TMEM232: variants seen among roughly 807,000 people sequenced by gnomAD.
The protein encoded by TMEM232 is transmembrane protein 232.
Under a neutral mutation model 78.8 loss-of-function variants are expected in TMEM232, and 80 were observed. The observed-to-expected ratio is 1.01, with a 90% CI of 0.85 to 1.22. TMEM232 has a LOEUF of 1.22. Ranked by LOEUF, TMEM232 falls within the 50% of genes most tolerant of loss-of-function variation. The pLI, the probability that TMEM232 is intolerant of heterozygous loss-of-function variation, is 0.00. For synonymous variants in TMEM232, 297 were observed against 254.3 expected (o/e 1.17, Z -1.60); for missense variants, 881 against 742.2 (o/e 1.19, Z -2.17).
chr5:110,582,046 A>T (rs1295555605), intron 10 of TMEM232, among the ~76,000 whole-genome samples: 2 of 151,968 alleles, frequency 1.3e-5, no homozygotes, highest in African/African-American at 4.8e-5. Context: ...GGGAATGCTT[A>T]TACACTGTTG....
At chr5:110,603,835 T>C (rs1781239034) in intron 10 of TMEM232, among the ~76,000 whole-genome samples, 1 of 152,162 alleles carries the variant, frequency 6.6e-6, no homozygotes. Context: ...GCCAAAAATA[T>C]ATTGAAGGCA....
chr5:110,614,232 T>G (rs892796055), intron 8 of TMEM232, among the ~76,000 whole-genome samples: 3 of 152,054 alleles, frequency 2.0e-5, no homozygotes, highest in Non-Finnish European at 4.4e-5. Flanking sequence ...CCAGAAAAAG[T>G]CAGGATTCAG....
intron 5 of TMEM232, among the ~76,000 whole-genome samples, chr5:110,628,622 G>A (rs1259594637): frequency 1.3e-5 from 2 of 151,566 alleles, no homozygotes; most frequent in African/African-American, 4.9e-5. Flanking sequence ...TTTCTAAATT[G>A]TGGAGAAGAC....
chr5:110,456,172 A>T (rs1387832603), intron 12 of TMEM232, among the ~76,000 whole-genome samples: 4 of 152,198 alleles, frequency 2.6e-5, no homozygotes, highest in African/African-American at 9.6e-5. Flanking sequence ...ATAATCTACA[A>T]AATGAGGTTA....
chr5:110,520,918 C>CA (rs1769409884), intron 12 of TMEM232, among the ~76,000 whole-genome samples: 1 of 146,842 alleles, frequency 6.8e-6, no homozygotes, highest in Non-Finnish European at 1.5e-5. Context: ...AACTCCATTT[C>CA]AAAAAATAAT....
At chr5:110,435,426 G>T (rs311729) in intron 12 of TMEM232, among the ~76,000 whole-genome samples, 1 of 151,402 alleles carries the variant, frequency 6.6e-6, no homozygotes, top group Non-Finnish European at 1.5e-5. Context: ...TAATAATTAC[G>T]TCATGGAAAA....
At chr5:110,500,358 G>C (rs1057124007) in intron 12 of TMEM232, among the ~76,000 whole-genome samples, 10 of 149,726 alleles carry the variant, frequency 6.7e-5, no homozygotes, top group African/African-American at 2.5e-4. Context: ...ATTTTACAAA[G>C]TATAACCTCT....
intron 1 of TMEM232, among the ~76,000 whole-genome samples, chr5:110,670,095 C>T (rs1180460759): frequency 6.6e-6 from 1 of 152,192 alleles, no homozygotes; most frequent in Admixed American, 6.5e-5. Flanking sequence ...CCTCTCTCAC[C>T]ACTCTTATTC....
Position 110,568,570 on chromosome 5 carries a change from A to C in TMEM232, c.1332T>G (p.Ile444Met). 2 of 1,549,554 alleles carry C rather than the reference A, an allele frequency of 1.3e-6. No homozygotes were observed. Among genetic ancestry groups the C allele is most frequent in the Non-Finnish European group, 1.7e-6 (2 of 1,145,788 alleles). The change falls in exon 11 of 14, where the codon ATT becomes ATG. Residue 444 changes from isoleucine (I) to methionine (M), a missense_variant. Ile to Met is a conservative substitution (Grantham distance 10, BLOSUM62 1). Coordinates refer to ENST00000455884, the MANE Select transcript of TMEM232 (RefSeq NM_001039763.4). ...YYGLVYNLVKISWELQGDEEQ... is the reference protein window; with the variant it reads ...YYGLVYNLVKMSWELQGDEEQ... ...CTTCGTCTCCTTGAAGTTCCCATGAAATTTTCACCAGGTTATACACTAAGC... is the reference window on the plus strand; with the variant it reads ...CTTCGTCTCCTTGAAGTTCCCATGACATTTTCACCAGGTTATACACTAAGC...
rs570578333 is a variant in TMEM232, at chr5:110,484,080, G to A, written c.1703+44508C>T. Among the ~76,000 whole-genome samples the A allele has an allele frequency of 5.3e-4, 81 of 152,226 alleles. 1 individual carries two copies. In the South Asian group the frequency reaches 7.5e-3, roughly 14 times the overall value. ...AGGAACAGAAAACCAAGTACCACAT[G>A]TTCTCATACATATAAGTGGGAGCTA... On this transcript the variant is annotated intron_variant, in intron 12 of 13. Transcript: ENST00000455884.
chr5:110,655,933 C>T (rs1788984264), intron 2 of TMEM232, among the ~76,000 whole-genome samples: 2 of 146,916 alleles, frequency 1.4e-5, no homozygotes, highest in African/African-American at 2.5e-5. Flanking sequence ...GGAGGGATAG[C>T]ATTAGGAGAT....
chr5:110,616,939 A>G (rs1782995901), intron 8 of TMEM232, among the ~76,000 whole-genome samples: 1 of 152,176 alleles, frequency 6.6e-6, no homozygotes, highest in African/African-American at 2.4e-5. Context: ...ACATATCCCA[A>G]AAAAGTGAAA....
At chr5:110,490,858 A>T (rs1765009528) in intron 12 of TMEM232, among the ~76,000 whole-genome samples, 1 of 152,106 alleles carries the variant, frequency 6.6e-6, no homozygotes, top group South Asian at 2.1e-4. Context: ...TAAAACTAAA[A>T]CTATAGCTAA....
intron 10 of TMEM232, among the ~76,000 whole-genome samples, chr5:110,597,041 A>T (rs1780256317): frequency 6.6e-6 from 1 of 152,152 alleles, no homozygotes; most frequent in African/African-American, 2.4e-5. Flanking sequence ...AAGGAAATAA[A>T]GGGTATTCAA....
intron 2 of TMEM232, among the ~76,000 whole-genome samples, chr5:110,657,183 A>G (rs1233643438): frequency 6.6e-6 from 1 of 152,216 alleles, no homozygotes; most frequent in Non-Finnish European, 1.5e-5. Context: ...AATGAATAAC[A>G]CTATGGAGGT....
At chr5:110,664,238 T>C (rs895784508) in intron 2 of TMEM232, among the ~76,000 whole-genome samples, 3 of 152,156 alleles carry the variant, frequency 2.0e-5, no homozygotes, top group Non-Finnish European at 4.4e-5. Context: ...GTCAAAAATT[T>C]GGAAAATAAT....
chr5:110,570,758 C>T (rs943909341), intron 10 of TMEM232, among the ~76,000 whole-genome samples: 1 of 151,860 alleles, frequency 6.6e-6, no homozygotes, highest in Non-Finnish European at 1.5e-5. Context: ...GGAAACTGAC[C>T]TTTCTAAATC....
intron 12 of TMEM232, among the ~76,000 whole-genome samples, chr5:110,460,712 T>C (rs979339382): frequency 4.6e-5 from 7 of 152,098 alleles, no homozygotes; most frequent in Non-Finnish European, 8.8e-5. Context: ...GGCAACTTTA[T>C]ATCGAGCAAA....
At chr5:110,699,476 G>A (rs1313610061) in intron 1 of TMEM232, among the ~76,000 whole-genome samples, 3 of 151,944 alleles carry the variant, frequency 2.0e-5, no homozygotes, top group Non-Finnish European at 4.4e-5. Flanking sequence ...GCCAAAATGG[G>A]ACTCTTTTGA....
Sources: gnomAD v4.1 joint callset for allele counts (sites outside exome capture counted in the v4.1 genomes callset) on GRCh38, gnomAD v4.1.1 for gene constraint, MANE v1.5 for transcripts, NCBI Gene and HGNC (gene_info 2026-07-23, HGNC 2026-07-21) for gene names.